The following RRAGC variants were observed in gnomAD, a reference collection of about 807,000 sequenced individuals.
RRAGC encodes the protein Ras related GTP binding C.
A neutral mutation model predicts 37.1 loss-of-function variants in RRAGC; 8 were observed. The observed-to-expected ratio is 0.22, with a 90% CI of 0.13 to 0.39. RRAGC has a LOEUF of 0.39. RRAGC is among the 10% of genes least tolerant of loss of function. The probability of loss-of-function intolerance (pLI) is 1.00; values close to 1 mark genes in which losing one functional copy is unlikely to be tolerated. For synonymous variants in RRAGC, 190 were observed against 181.1 expected, an observed-to-expected ratio of 1.05 and a Z score of -0.39; for missense variants, 342 against 497.6, an observed-to-expected ratio of 0.69 and a Z score of 2.98.
chr1:38,843,751 G>C (rs931055543), intron 6 of RRAGC, among the ~76,000 whole-genome samples: 1 of 151,190 alleles, frequency 6.6e-6, no homozygotes, highest in African/African-American at 2.4e-5. Context: ...AGAAGAGGAA[G>C]GACTTGTTGC....
chr1:38,843,318 T>TA (rs68183214), intron 6 of RRAGC, among the ~76,000 whole-genome samples: 129 of 143,776 alleles, frequency 9.0e-4, no homozygotes, highest in East Asian at 3.2e-3. Context: ...TTCTGTCTCT[T>TA]AAAAAAAAAA....
At chr1:38,851,524 G>A in intron 5 of RRAGC, 91 bp downstream of exon 5, 1 of 1,185,106 alleles carries the variant, frequency 8.4e-7, no homozygotes, top group South Asian at 1.8e-5. Flanking sequence ...AGTACCACTT[G>A]CCAGGGGCCT....
At chr1:38,858,312 G>A (rs532439170) in intron 1 of RRAGC, among the ~76,000 whole-genome samples, 1 of 152,288 alleles carries the variant, frequency 6.6e-6, no homozygotes, top group African/African-American at 2.4e-5. Flanking sequence ...GAAAAGACCA[G>A]GTGCCTGCTG....
chr1:38,852,271 T>C (rs368774053), intron 4 of RRAGC, 103 bp downstream of exon 4: 36 of 736,236 alleles, frequency 4.9e-5, no homozygotes, highest in East Asian at 3.3e-4. Flanking sequence ...TTGTACTTGA[T>C]ACAGATTAAT....
chr1:38,844,448 G>GA (rs770037090), intron 6 of RRAGC, among the ~76,000 whole-genome samples: 8,951 of 97,968 alleles, frequency 0.091, 363 homozygotes, highest in Middle Eastern at 0.21. Flanking sequence ...CAGGACTGAG[G>GA]AAAAAAAAAA....
Position 38,859,648 on chromosome 1 carries a change from G to C in RRAGC, c.-2C>G. The C allele has an allele frequency of 6.5e-6, 10 of 1,544,450 alleles. No homozygotes were observed. Among genetic ancestry groups the C allele is most frequent in the Non-Finnish European group, 8.7e-6 (10 of 1,146,258 alleles). ...CTCCGCCCCGTACTGCAGGGACATG[G>C]TGCTGGAGCCGCCGCCGCCCGCGCC... is the stretch of plus-strand genomic sequence containing the variant. On this transcript the variant is annotated 5_prime_UTR_variant, in exon 1 of 7. Transcript: ENST00000373001.
At chr1:38,853,388 TCGC>T (rs1455434565) in intron 3 of RRAGC, among the ~76,000 whole-genome samples, 1 of 152,236 alleles carries the variant, frequency 6.6e-6, no homozygotes, top group African/African-American at 2.4e-5. Context: ...CATTATATAG[TCGC>T]ATCCACCACA....
At chr1:38,844,107 A>G (rs1641999823) in intron 6 of RRAGC, among the ~76,000 whole-genome samples, 2 of 152,212 alleles carry the variant, frequency 1.3e-5, no homozygotes, top group Admixed American at 1.3e-4. Context: ...GGGCCCCTTC[A>G]GCAATCACAC....
intron 6 of RRAGC, 112 bp from the exon 7 acceptor site, chr1:38,839,816 C>T (rs1641941934): frequency 1.9e-6 from 2 of 1,047,068 alleles, no homozygotes; most frequent in Non-Finnish European, 2.8e-6. Flanking sequence ...AATTCTTAAG[C>T]CTCCAAACTA....
Position 38,859,680 on chromosome 1 carries a change from G to C in RRAGC, c.-34C>G. On this transcript the variant is annotated 5_prime_UTR_variant, in exon 1 of 7. Coordinates refer to ENST00000373001, the MANE Select transcript of RRAGC (RefSeq NM_022157.4). ...AGCCGCCGCCGCCCGCGCCCTGACAGGCCAGGCCAGGCCGAGCCAGGCCGC... is the reference window on the plus strand; with the variant it reads ...AGCCGCCGCCGCCCGCGCCCTGACACGCCAGGCCAGGCCGAGCCAGGCCGC... The C allele has an allele frequency of 6.9e-7, 1 of 1,446,654 alleles. No homozygotes were observed. Among genetic ancestry groups the C allele is most frequent in the Non-Finnish European group, 9.1e-7 (1 of 1,098,278 alleles). The allele number at this position is 1,446,654 out of a possible 1,614,324, so 89.6% of individuals were successfully genotyped here.
chr1:38,857,548 T>A (rs1642182179), intron 1 of RRAGC, among the ~76,000 whole-genome samples: 1 of 152,220 alleles, frequency 6.6e-6, no homozygotes, highest in South Asian at 2.1e-4. Flanking sequence ...CTTTGCAGTC[T>A]AAGAAGGGCA....
At chr1:38,846,742 G>A (rs1419461134) in intron 5 of RRAGC, 1 of 152,086 alleles carries the variant, frequency 6.6e-6, no homozygotes, top group East Asian at 1.9e-4. Flanking sequence ...CGAATTAAGA[G>A]TTATTAAAAA....
intron 6 of RRAGC, among the ~76,000 whole-genome samples, chr1:38,845,273 C>A (rs1313429516): frequency 7.2e-5 from 11 of 152,182 alleles, no homozygotes; most frequent in Non-Finnish European, 1.3e-4. Flanking sequence ...GGCACATATA[C>A]ATCATGGAAT....
chr1:38,856,237 C>G (rs1340627796), intron 2 of RRAGC, among the ~76,000 whole-genome samples: 1 of 152,170 alleles, frequency 6.6e-6, no homozygotes, highest in East Asian at 1.9e-4. Flanking sequence ...TGCTTAAACT[C>G]TGATCTCAGT....
rs1457027639 is a variant in RRAGC, at chr1:38,859,540, T to G, written c.107A>C (p.Glu36Ala). 8 of 1,337,032 alleles carry G rather than the reference T, an allele frequency of 6.0e-6. No individual in the cohort carries two copies. Among genetic ancestry groups the G allele is most frequent in the East Asian group, 6.3e-5 (2 of 31,976 alleles). 82.8% of individuals were successfully genotyped at this position (1,337,032 alleles called of 1,614,324 possible). A position where few individuals can be genotyped will look rare whatever the true frequency, so the allele number is the denominator to read the frequency against. The change falls in exon 1 of 7, where the codon GAG becomes GCG. Residue 36 changes from glutamate (E) to alanine (A), a missense_variant. By Grantham distance (107) the Glu-to-Ala change is moderately radical. This residue lies in a region of RRAGC where 104 missense variants were observed against 93.4 expected (regional missense o/e 1.11). Transcript: ENST00000373001. ...AACCCCTCCGCCCGCCGCCGCCGCC[T>G]CCTCTTCCTCCTCCTCCACGCCGTA... Reference protein sequence around the residue: ...FGYGVEEEEEEAAAAGGGVGA... With the variant: ...FGYGVEEEEEAAAAAGGGVGA...
In RRAGC at chr1:38,855,766, T is replaced by C; in HGVS notation, c.583A>G (p.Ile195Val). 5 of 1,614,160 alleles carry C rather than the reference T, an allele frequency of 3.1e-6. No individual in the cohort carries two copies. Among genetic ancestry groups the C allele is most frequent in the East Asian group, 2.2e-5 (1 of 44,870 alleles). ...AGGTCATCATTGGCCCTTTGATGAA[T>C]GTCCCTCTGTGTTTCTATTTTGTGA... is the stretch of plus-strand genomic sequence containing the variant. The part of the protein sequence containing the change: ...DDHKIETQRD[I>V]HQRANDDLAD... The change falls in exon 3 of 7, where the codon ATT (isoleucine) becomes GTT (valine). Residue 195 changes from isoleucine (I) to valine (V), a missense_variant. Physicochemically the swap from Ile to Val is conservative, Grantham distance 29. Coordinates refer to ENST00000373001, the MANE Select transcript of RRAGC (RefSeq NM_022157.4).
In RRAGC at chr1:38,839,664, A is replaced by G. The variant is rs1348322897; in HGVS notation, c.1089T>C (p.Ile363=). The G allele has an allele frequency of 1.1e-5, 17 of 1,614,184 alleles. No individual in the cohort carries two copies. The highest frequency in any genetic ancestry group is 1.4e-5 in the Non-Finnish European group (17 of 1,180,024). Residue 363 remains isoleucine, a synonymous_variant, in exon 7 of 7, where the codon ATT becomes ATC. Transcript: ENST00000373001. ...DYNFHCFRKA[I]HEVFEVGVTS... ...TCACACCCACCTCAAAAACCTCATG[A>G]ATAGCTTTTCGGAAACAGTGGAAGT...
At chr1:38,839,827 G>T in intron 6 of RRAGC, 123 bp from the exon 7 acceptor site, 1 of 897,180 alleles carries the variant, frequency 1.1e-6, no homozygotes, top group Non-Finnish European at 1.7e-6. Flanking sequence ...CTCCAAACTA[G>T]ATAGCAACTT....
At position 38,859,610 on chromosome 1, in the gene RRAGC, C is replaced by A; in HGVS notation, c.37G>T (p.Ala13Ser). The A allele has an allele frequency of 1.3e-6, 2 of 1,564,346 alleles. No individual in the cohort carries two copies. Among genetic ancestry groups the A allele is most frequent in the South Asian group, 2.3e-5 (2 of 85,282 alleles). Reference sequence around the variant, plus strand: ...GAATCGGCCGCGCCGTAACTGCCGGCGAGGGGCGTCTCCTCCGCCCCGTAC... The same window carrying A: ...GAATCGGCCGCGCCGTAACTGCCGGAGAGGGGCGTCTCCTCCGCCCCGTAC... Reference protein sequence around the residue: ...LQYGAEETPLAGSYGAADSFP... With the variant: ...LQYGAEETPLSGSYGAADSFP... The change falls in exon 1 of 7, where the codon GCC becomes TCC. Residue 13 changes from alanine to serine, a missense_variant. Transcript: ENST00000373001.
Sources: gnomAD v4.1 joint callset for allele counts (sites outside exome capture counted in the v4.1 genomes callset) on GRCh38, gnomAD v4.1.1 for gene constraint, gnomAD v4.1.1 regional missense constraint, MANE v1.5 for transcripts, NCBI Gene and HGNC (gene_info 2026-07-23, HGNC 2026-07-21) for gene names.